Variants in MAP2 observed in about 807,000 individuals in gnomAD.
The protein encoded by MAP2 is microtubule-associated protein 2.
In MAP2, 14 loss-of-function variants were observed where a neutral mutation model predicts 137.6. The observed-to-expected ratio is 0.10, with a 90% CI of 0.07 to 0.16. MAP2 has a LOEUF of 0.16. Among genes scored for constraint, MAP2 ranks in the 10% least tolerant of loss-of-function variants. The pLI is 1.00. For missense variants in MAP2, 2,088 were observed against 2,191.5 expected (o/e 0.95, Z 0.94); for synonymous variants, 786 against 782.3 (o/e 1.00, Z -0.08).
Position 209,705,701 on chromosome 2 carries a change from T to C in MAP2, c.4706T>C (p.Ile1569Thr), listed in dbSNP as rs199728294. 1.3e-4 allele frequency: 217 copies of C among 1,612,980 alleles called. No individual in the cohort carries two copies. The highest frequency in any genetic ancestry group is 1.7e-4 in the Non-Finnish European group (202 of 1,179,264). Residue 1569 changes from isoleucine to threonine, a missense_variant, in exon 12 of 16, where the codon ATC becomes ACC. Around this residue, in one of 6 missense-constraint regions of MAP2, gnomAD observed 591 missense variants for 642.6 expected, o/e 0.92. Coordinates refer to ENST00000682079, the MANE Select transcript of MAP2 (RefSeq NM_001375505.1). ...AATTCCTTCTCTCTCAACAGTTCTA[T>C]CTCTTCTTCAGCACGGCGGACCACC... ...DENSFSLNSS[I>T]SSSARRTTRS...
chr2:209,646,212 T>C (rs1484923704), intron 4 of MAP2, among the ~76,000 whole-genome samples: 1 of 151,962 alleles, frequency 6.6e-6, no homozygotes, highest in Non-Finnish European at 1.5e-5. Flanking sequence ...TAAAATGAAA[T>C]AAAGAAAATA....
At chr2:209,498,887 G>C (rs529452582) in intron 1 of MAP2, among the ~76,000 whole-genome samples, 1 of 152,156 alleles carries the variant, frequency 6.6e-6, no homozygotes, top group African/African-American at 2.4e-5. Context: ...TGCCATGAAG[G>C]TCTCTGAAAT....
chr2:209,673,806 A>G (rs2049994754), intron 5 of MAP2, among the ~76,000 whole-genome samples: 1 of 151,890 alleles, frequency 6.6e-6, no homozygotes, highest in Non-Finnish European at 1.5e-5. Context: ...AAAAAGCAAG[A>G]AAAAGAGAAT....
In MAP2 at chr2:209,680,789, C is replaced by G. The variant is rs917768168; in HGVS notation, c.416C>G (p.Pro139Arg). 1 of 1,613,710 alleles carries G rather than the reference C, an allele frequency of 6.2e-7. No individual in the cohort carries two copies. The highest frequency in any genetic ancestry group is 8.5e-7 in the Non-Finnish European group (1 of 1,179,722). ...GCTAATCTGCCTCCTTCTCCACCCC[C>G]ATCACCTGCCTCAGAACAGACTGTC... Reference protein sequence around the residue: ...ETANLPPSPPPSPASEQTVTV... With the variant: ...ETANLPPSPPRSPASEQTVTV... Residue 139 changes from proline (P) to arginine (R), a missense_variant, in exon 7 of 16, where the codon CCA (proline) becomes CGA (arginine). By Grantham distance (103) the Pro-to-Arg change is moderately radical (BLOSUM62 -2). Transcript: ENST00000682079.
At chr2:209,570,005 G>A (rs1387803694) in intron 2 of MAP2, among the ~76,000 whole-genome samples, 1 of 151,674 alleles carries the variant, frequency 6.6e-6, no homozygotes, top group Non-Finnish European at 1.5e-5. Flanking sequence ...CAGATAGATA[G>A]TAATTAAAAT....
At chr2:209,574,703 C>T (rs2075021137) in intron 2 of MAP2, among the ~76,000 whole-genome samples, 1 of 152,084 alleles carries the variant, frequency 6.6e-6, no homozygotes, top group South Asian at 2.1e-4. Flanking sequence ...GACTAATGTG[C>T]TGATTATGAC....
intron 2 of MAP2, among the ~76,000 whole-genome samples, chr2:209,519,021 A>G (rs76825505): frequency 0.017 from 2,609 of 152,186 alleles, 73 homozygotes; most frequent in African/African-American, 0.058. Flanking sequence ...AAAGGGCTCT[A>G]CTACAGGGAG....
At position 209,694,412 on chromosome 2, in the gene MAP2, G is replaced by A. The variant is rs2059678962; in HGVS notation, c.2242G>A (p.Ala748Thr). Residue 748 changes from alanine (A) to threonine (T), a missense_variant, in exon 8 of 16, where the codon GCC (alanine) becomes ACC (threonine). Transcript: ENST00000682079. ...GGATGAAGGGGATGATTACCTTCCA[G>A]CCACCACACCTGCACTGGAGAAAGC... The part of the protein sequence containing the change: ...SMDEGDDYLP[A>T]TTPALEKAPC... The A allele has an allele frequency of 1.2e-6, 2 of 1,613,938 alleles. No individual in the cohort carries two copies. The highest frequency in any genetic ancestry group is 2.2e-5 in the South Asian group (2 of 91,078).
intron 1 of MAP2, among the ~76,000 whole-genome samples, chr2:209,500,400 T>A (rs1266816949): frequency 6.6e-6 from 1 of 152,180 alleles, no homozygotes; most frequent in Admixed American, 6.6e-5. Context: ...TGTTACTTTG[T>A]TTCTGTGTTG....
At chr2:209,427,355 T>G (rs1423255072) in intron 1 of MAP2, among the ~76,000 whole-genome samples, 1 of 151,974 alleles carries the variant, frequency 6.6e-6, no homozygotes, top group Non-Finnish European at 1.5e-5. Flanking sequence ...CAAATTTTTT[T>G]GTCTCTGTTA....
chr2:209,443,226 T>A (rs887403425), intron 1 of MAP2, among the ~76,000 whole-genome samples: 17 of 151,524 alleles, frequency 1.1e-4, no homozygotes, highest in African/African-American at 4.1e-4. Flanking sequence ...GTTTTTTTTT[T>A]TTCTCCTTGG....
At chr2:209,640,910 C>T (rs2093973894) in intron 4 of MAP2, among the ~76,000 whole-genome samples, 1 of 141,310 alleles carries the variant, frequency 7.1e-6, no homozygotes. Flanking sequence ...TTCATGACTG[C>T]CATTTCTTCT....
intron 1 of MAP2, among the ~76,000 whole-genome samples, chr2:209,434,952 A>G (rs1468757920): frequency 6.8e-6 from 1 of 146,548 alleles, no homozygotes; most frequent in Non-Finnish European, 1.5e-5. Flanking sequence ...TGTGTTTTAT[A>G]TATATAAAGC....
chr2:209,435,939 AATATATACT>A (rs1192761158), intron 1 of MAP2, among the ~76,000 whole-genome samples: 2 of 69,058 alleles, frequency 2.9e-5, no homozygotes, highest in Non-Finnish European at 7.6e-5. Flanking sequence ...TTATATATAT[AATATATACT>A]ATATATACAG....
At chr2:209,442,145 C>A (rs960423768) in intron 1 of MAP2, among the ~76,000 whole-genome samples, 93 of 151,602 alleles carry the variant, frequency 6.1e-4, no homozygotes, top group African/African-American at 1.9e-3. Context: ...CTAACCAGGG[C>A]TACATACATA....
chr2:209,494,370 A>G (rs2059488490), intron 1 of MAP2, among the ~76,000 whole-genome samples: 1 of 151,936 alleles, frequency 6.6e-6, no homozygotes, highest in Non-Finnish European at 1.5e-5. Context: ...ACCGTGGCCC[A>G]TATATACCTA....
At chr2:209,424,740 T>G (rs969675022) in intron 1 of MAP2, among the ~76,000 whole-genome samples, 2 of 152,198 alleles carry the variant, frequency 1.3e-5, no homozygotes, top group African/African-American at 4.8e-5. Context: ...GGAAGCCTTG[T>G]CCATTTCAAA....
chr2:209,678,315 T>G (rs1355077761), intron 5 of MAP2, among the ~76,000 whole-genome samples: 3 of 152,074 alleles, frequency 2.0e-5, no homozygotes, highest in African/African-American at 7.2e-5. Flanking sequence ...CAAAAAAATG[T>G]TCAAATACTA....
At position 209,695,868 on chromosome 2, in the gene MAP2, A is replaced by G. The variant is rs1326654296; in HGVS notation, c.3698A>G (p.Gln1233Arg). Reference protein sequence around the residue: ...ETIVSEPAEIQSEEEEIEAQG... With the variant: ...ETIVSEPAEIRSEEEEIEAQG... Reference sequence around the variant, plus strand: ...ATCGTATCTGAACCAGCAGAGATTCAGAGTGAGGAAGAAGAGATAGAAGCC... The same window carrying G: ...ATCGTATCTGAACCAGCAGAGATTCGGAGTGAGGAAGAAGAGATAGAAGCC... Residue 1233 changes from glutamine (Q) to arginine (R), a missense_variant, in exon 8 of 16, where the codon CAG becomes CGG. Gln to Arg is a conservative substitution (Grantham distance 43). Coordinates refer to ENST00000682079, the MANE Select transcript of MAP2 (RefSeq NM_001375505.1). 1 of 1,614,134 alleles carries G rather than the reference A, an allele frequency of 6.2e-7. No individual in the cohort carries two copies. The highest frequency in any genetic ancestry group is 1.3e-5 in the African/African-American group (1 of 75,038).
Sources: gnomAD v4.1 joint callset for allele counts (sites outside exome capture counted in the v4.1 genomes callset) on GRCh38, gnomAD v4.1.1 for gene constraint, gnomAD v4.1.1 regional missense constraint, MANE v1.5 for transcripts, NCBI Gene and HGNC (gene_info 2026-07-23, HGNC 2026-07-21) for gene names.